PRKCE: variants seen among roughly 807,000 people sequenced by gnomAD.
The protein encoded by PRKCE is protein kinase C epsilon.
PRKCE carries 16 observed loss-of-function variants against 85.4 expected under a neutral mutation model. The ratio of observed to expected loss-of-function variants is 0.19; its 90% confidence interval spans 0.13 to 0.28. PRKCE has a LOEUF of 0.28. PRKCE is among the 10% of genes least tolerant of loss of function. PRKCE has a pLI of 1.00. For missense variants in PRKCE, 573 were observed against 975.2 expected, an observed-to-expected ratio of 0.59 and a Z score of 5.49; for synonymous variants, 388 against 371.5, an observed-to-expected ratio of 1.04 and a Z score of -0.51.
At chr2:45,699,580 A>T (rs1302872307) in intron 1 of PRKCE, among the ~76,000 whole-genome samples, 2 of 152,164 alleles carry the variant, frequency 1.3e-5, no homozygotes, top group Non-Finnish European at 2.9e-5. Context: ...TGTGTGGGTC[A>T]CTGTAGACAT....
At chr2:45,680,321 G>A (rs1254408765) in intron 1 of PRKCE, among the ~76,000 whole-genome samples, 1 of 152,224 alleles carries the variant, frequency 6.6e-6, no homozygotes, top group African/African-American at 2.4e-5. Context: ...GTGCTGATTG[G>A]ATGGAATAAG....
intron 13 of PRKCE, among the ~76,000 whole-genome samples, chr2:46,151,434 G>A (rs1369291271): frequency 6.6e-6 from 1 of 152,192 alleles, no homozygotes; most frequent in Non-Finnish European, 1.5e-5. Context: ...CAGTGCAGAG[G>A]ACTGCTGCCA....
At chr2:45,933,364 G>C (rs546066227) in intron 2 of PRKCE, among the ~76,000 whole-genome samples, 1 of 149,842 alleles carries the variant, frequency 6.7e-6, no homozygotes, top group Non-Finnish European at 1.5e-5. Flanking sequence ...TGACCTTTTC[G>C]TATTCCATTC....
intron 1 of PRKCE, among the ~76,000 whole-genome samples, chr2:45,732,961 A>G (rs190247620): frequency 3.0e-4 from 46 of 152,326 alleles, no homozygotes; most frequent in Admixed American, 9.2e-4. Context: ...TCAGAGAGTA[A>G]ATATTTTTAG....
intron 11 of PRKCE, among the ~76,000 whole-genome samples, chr2:46,106,490 G>A (rs989373402): frequency 6.6e-6 from 1 of 152,176 alleles, no homozygotes; most frequent in African/African-American, 2.4e-5. Flanking sequence ...AAACTGGGTG[G>A]CTTAAACAAT....
chr2:45,732,821 T>A (rs6743119), intron 1 of PRKCE, among the ~76,000 whole-genome samples: 21 of 152,102 alleles, frequency 1.4e-4, no homozygotes, highest in Non-Finnish European at 2.6e-4. Flanking sequence ...AAAACCGACA[T>A]GAGTGAACTG....
chr2:45,866,600 C>A (rs1478393138), intron 2 of PRKCE, among the ~76,000 whole-genome samples: 1 of 152,256 alleles, frequency 6.6e-6, no homozygotes, highest in African/African-American at 2.4e-5. Flanking sequence ...AGCCACCACG[C>A]CCTGCCTGGG....
intron 1 of PRKCE, among the ~76,000 whole-genome samples, chr2:45,742,231 T>C (rs1050078016): frequency 2.0e-5 from 3 of 151,918 alleles, no homozygotes; most frequent in South Asian, 2.1e-4. Context: ...ATCCAAAATA[T>C]ATAAGGAACT....
At chr2:46,036,384 C>G (rs1707860042) in intron 10 of PRKCE, among the ~76,000 whole-genome samples, 2 of 152,070 alleles carry the variant, frequency 1.3e-5, no homozygotes, top group South Asian at 4.1e-4. Flanking sequence ...CAAGAACACC[C>G]TGGGCCATAT....
At chr2:46,024,551 G>A (rs924857310) in intron 10 of PRKCE, among the ~76,000 whole-genome samples, 1 of 152,128 alleles carries the variant, frequency 6.6e-6, no homozygotes, top group African/African-American at 2.4e-5. Context: ...GAACACTTGT[G>A]TGCGGGTTGC....
At chr2:46,012,061 G>C (rs541311896) in intron 10 of PRKCE, among the ~76,000 whole-genome samples, 1 of 152,184 alleles carries the variant, frequency 6.6e-6, no homozygotes, top group African/African-American at 2.4e-5. Context: ...AATATTTATG[G>C]GTTTGTGTGT....
At chr2:45,798,795 TTTTAAAA>T (rs1687634615) in intron 1 of PRKCE, among the ~76,000 whole-genome samples, 1 of 151,926 alleles carries the variant, frequency 6.6e-6, no homozygotes, top group African/African-American at 2.4e-5. Context: ...TTTTCAGTGT[TTTTAAAA>T]TTTAAAAAAC....
chr2:45,874,770 C>T (rs1694346746), intron 2 of PRKCE, among the ~76,000 whole-genome samples: 1 of 152,184 alleles, frequency 6.6e-6, no homozygotes, highest in Admixed American at 6.5e-5. Flanking sequence ...AGGATTCTTG[C>T]TTCCTGCTTC....
At chr2:45,683,744 C>T (rs997901913) in intron 1 of PRKCE, among the ~76,000 whole-genome samples, 1 of 152,170 alleles carries the variant, frequency 6.6e-6, no homozygotes. Flanking sequence ...TAAAATATAA[C>T]AAGATAAACG....
At chr2:45,691,034 A>G (rs905135572) in intron 1 of PRKCE, among the ~76,000 whole-genome samples, 1 of 152,228 alleles carries the variant, frequency 6.6e-6, no homozygotes, top group African/African-American at 2.4e-5. Flanking sequence ...ACTTCGCTGG[A>G]TTTCTTTCTC....
chr2:46,028,773 AG>A (rs1200169096), intron 10 of PRKCE, among the ~76,000 whole-genome samples: 6 of 152,174 alleles, frequency 3.9e-5, no homozygotes. Flanking sequence ...CCAGGTATTA[AG>A]CTTGGTACTC....
At chr2:45,756,468 G>A (rs181571656) in intron 1 of PRKCE, among the ~76,000 whole-genome samples, 6 of 152,320 alleles carry the variant, frequency 3.9e-5, no homozygotes, top group Non-Finnish European at 7.3e-5. Context: ...CCTACCATGT[G>A]ATCCAGCCAT....
chr2:45,981,441 C>G (rs1264309569), intron 5 of PRKCE, among the ~76,000 whole-genome samples: 1 of 152,194 alleles, frequency 6.6e-6, no homozygotes, highest in East Asian at 1.9e-4. Flanking sequence ...AAATAGCATC[C>G]TGGCATCTAA....
At chr2:45,668,960 C>T (rs1676035318) in intron 1 of PRKCE, among the ~76,000 whole-genome samples, 1 of 152,140 alleles carries the variant, frequency 6.6e-6, no homozygotes, top group South Asian at 2.1e-4. Flanking sequence ...CCTTATTTCC[C>T]CAAGTCCCTG....
Sources: gnomAD v4.1 joint callset for allele counts (sites outside exome capture counted in the v4.1 genomes callset) on GRCh38, gnomAD v4.1.1 for gene constraint, MANE v1.5 for transcripts, NCBI Gene and HGNC (gene_info 2026-07-23, HGNC 2026-07-21) for gene names.